LARGE1: variants seen among roughly 807,000 people sequenced by gnomAD.
LARGE1 encodes LARGE xylosyl- and glucuronyltransferase 1, also known as xylosyl- and glucuronyltransferase LARGE1.
LARGE1 carries 43 observed loss-of-function variants against 87.6 expected under a neutral mutation model. The observed-to-expected ratio is 0.49, with a 90% confidence interval of 0.38 to 0.63. The LOEUF (loss-of-function observed/expected upper bound fraction) is 0.63, where lower values mean the gene tolerates loss of function less well. Ranked by LOEUF, LARGE1 falls within the 30% of genes least tolerant of loss-of-function variation. LARGE1 has a pLI of 0.00. For missense variants in LARGE1, 802 were observed against 1,000.2 expected (o/e 0.80, Z 2.67); for synonymous variants, 434 against 394.6 (o/e 1.10, Z -1.18).
intron 2 of LARGE1, among the ~76,000 whole-genome samples, chr22:33,754,683 A>G (rs747455183): frequency 4.6e-5 from 7 of 152,170 alleles, no homozygotes; most frequent in Non-Finnish European, 8.8e-5. Flanking sequence ...CTTTTGTATT[A>G]TAAGTCCCAT....
intron 4 of LARGE1, among the ~76,000 whole-genome samples, chr22:33,608,008 CTG>C (rs373909547): frequency 1.1e-4 from 16 of 152,308 alleles, no homozygotes; most frequent in African/African-American, 3.8e-4. Context: ...AGGGACAATG[CTG>C]TGTTTGCCCA....
the LARGE1 span, among the ~76,000 whole-genome samples, chr22:33,078,912 A>G: frequency 6.6e-6 from 1 of 152,230 alleles, no homozygotes; most frequent in East Asian, 1.9e-4. Flanking sequence ...AAAATGTGAG[A>G]GAAAATATCA....
intron 3 of LARGE1, 41 bp from the exon 4 acceptor site, chr22:33,626,367 G>C (rs764818020): frequency 3.3e-6 from 5 of 1,517,902 alleles, no homozygotes; most frequent in African/African-American, 1.4e-5. Flanking sequence ...CAGACAGACG[G>C]AAGGAGGCCT....
intron 1 of LARGE1, among the ~76,000 whole-genome samples, chr22:33,833,132 AC>A (rs1252450899): frequency 6.6e-6 from 1 of 152,196 alleles, no homozygotes; most frequent in Non-Finnish European, 1.5e-5. Context: ...GAGGTAGCTG[AC>A]TTTTATTTAT....
intron 6 of LARGE1, among the ~76,000 whole-genome samples, chr22:33,443,246 C>T (rs893177732): frequency 6.6e-6 from 1 of 152,212 alleles, no homozygotes; most frequent in Admixed American, 6.5e-5. Context: ...TGCATTCCCA[C>T]CTCTCAGTTA....
intron 7 of LARGE1, among the ~76,000 whole-genome samples, chr22:33,386,493 A>G (rs1347062660): frequency 6.8e-6 from 1 of 146,342 alleles, no homozygotes; most frequent in African/African-American, 2.5e-5. Context: ...CTCTTGTGGT[A>G]GGCTGGTAAT....
In LARGE1 at chr22:33,434,332, C is replaced by T. The variant is rs144357946; in HGVS notation, c.788-2067G>A. ...TTGTTTTGTTTTTGAGACGTAGTCT[C>T]GCTCTGTTGCCAGGCTGGAGTGCAG... On this transcript the variant is annotated intron_variant, in intron 6 of 14. Coordinates refer to ENST00000397394, the MANE Select transcript of LARGE1 (RefSeq NM_133642.5). Among the ~76,000 whole-genome samples, 502 of 152,240 alleles carry T rather than the reference C, an allele frequency of 3.3e-3. No individual in the cohort carries two copies. The Middle Eastern group carries it at 0.034, about 10-fold the overall frequency.
the LARGE1 span, among the ~76,000 whole-genome samples, chr22:33,081,369 T>A: frequency 6.6e-6 from 1 of 152,162 alleles, no homozygotes; most frequent in African/African-American, 2.4e-5. Flanking sequence ...AAGGACCATC[T>A]CCAGAAGTAA....
intron 7 of LARGE1, among the ~76,000 whole-genome samples, chr22:33,409,387 G>A (rs925333616): frequency 6.6e-6 from 1 of 152,102 alleles, no homozygotes. Context: ...GGCAACAATA[G>A]GGATGTAAAT....
At chr22:33,853,102 C>A (rs1330799194) in intron 1 of LARGE1, among the ~76,000 whole-genome samples, 1 of 151,926 alleles carries the variant, frequency 6.6e-6, no homozygotes, top group African/African-American at 2.4e-5. Flanking sequence ...AGAAATTAAT[C>A]CAAAGGGAAA....
intron 3 of LARGE1, among the ~76,000 whole-genome samples, chr22:33,630,922 G>A (rs1026895747): frequency 4.0e-5 from 6 of 151,034 alleles, no homozygotes; most frequent in South Asian, 4.2e-4. Context: ...ATGTGATCTC[G>A]GCTTACTGCA....
chr22:33,895,668 T>A (rs1302872196), intron 1 of LARGE1, among the ~76,000 whole-genome samples: 3 of 152,136 alleles, frequency 2.0e-5, no homozygotes, highest in African/African-American at 7.2e-5. Flanking sequence ...CCACATGGGC[T>A]CCCCCAACAT....
chr22:33,322,687 CA>C (rs989168485), intron 10 of LARGE1: 1 of 152,198 alleles, frequency 6.6e-6, no homozygotes, highest in Non-Finnish European at 1.5e-5. Flanking sequence ...GAGAAGAGGC[CA>C]CCTCCAGCTC....
intron 11 of LARGE1, among the ~76,000 whole-genome samples, chr22:33,233,254 T>C (rs981207272): frequency 3.9e-5 from 6 of 152,056 alleles, no homozygotes; most frequent in African/African-American, 1.4e-4. Context: ...GTCAGGTTGT[T>C]AGCAGCCTAG....
intron 6 of LARGE1, among the ~76,000 whole-genome samples, chr22:33,471,035 T>TC (rs887104959): frequency 6.7e-6 from 1 of 149,986 alleles, no homozygotes; most frequent in East Asian, 1.9e-4. Context: ...TCTTCTTTTT[T>TC]TTTTTTTTTT....
chr22:33,384,460 A>AAAG (rs1374989116), intron 7 of LARGE1, among the ~76,000 whole-genome samples, 156 bp from the exon 8 acceptor site: 24 of 149,938 alleles, frequency 1.6e-4, no homozygotes, highest in South Asian at 6.8e-4. Context: ...TCCCTCTAAA[A>AAAG]ATTCTTCCAA....
At chr22:33,254,937 T>C (rs1927184336) in intron 11 of LARGE1, among the ~76,000 whole-genome samples, 1 of 102,200 alleles carries the variant, frequency 9.8e-6, no homozygotes, top group African/African-American at 5.0e-5. Flanking sequence ...ACCTGTAGAT[T>C]TTTTTTTTTT....
rs575990607 is a variant in LARGE1 at position 33,611,241 on chromosome 22, T to C, written c.492-6683A>G. Among the ~76,000 whole-genome samples, 25 of 1,842 alleles carry C rather than the reference T, an allele frequency of 0.014. No homozygotes were observed. In the South Asian group the frequency reaches 0.35, roughly 26 times the overall value. The allele number at this position is 1,842 out of a possible 152,430, so 1.2% of individuals were successfully genotyped here. A position where few individuals can be genotyped will look rare whatever the true frequency, so the allele number is the denominator to read the frequency against. ...TCTAGAATGGTAGATCCACTGGCGA[T>C]GTGCACCTTTGTGCTTGGAAAAGCA... On this transcript the variant is annotated intron_variant, in intron 4 of 14. Coordinates refer to ENST00000397394, the MANE Select transcript of LARGE1 (RefSeq NM_133642.5).
intron 11 of LARGE1, among the ~76,000 whole-genome samples, chr22:33,211,920 G>A (rs1924984163): frequency 6.6e-6 from 1 of 152,162 alleles, no homozygotes; most frequent in African/African-American, 2.4e-5. Flanking sequence ...CCTAATCCAG[G>A]GCAAGACCCT....
Sources: allele counts gnomAD v4.1 joint callset (sites outside exome capture counted in the v4.1 genomes callset), GRCh38; gene constraint gnomAD v4.1.1; transcripts MANE v1.5; gene names NCBI Gene and HGNC (gene_info 2026-07-23, HGNC 2026-07-21).